Variants in TNFAIP8L3 observed in about 807,000 individuals in gnomAD.
TNFAIP8L3 encodes the protein tumor necrosis factor alpha-induced protein 8-like protein 3.
TNFAIP8L3 carries 7 observed loss-of-function variants against 11.8 expected under a neutral mutation model. The ratio of observed to expected loss-of-function variants is 0.59; its 90% confidence interval spans 0.34 to 1.11. TNFAIP8L3 has a LOEUF of 1.11. TNFAIP8L3 is among the 50% of genes most tolerant of loss of function. The pLI is 0.03. For synonymous variants in TNFAIP8L3, 98 were observed against 103.8 expected (o/e 0.94, Z 0.34); for missense variants, 219 against 258.6 (o/e 0.85, Z 1.05).
At chr15:51,062,496 G>T (rs1174966004) in intron 1 of TNFAIP8L3, among the ~76,000 whole-genome samples, 1 of 152,106 alleles carries the variant, frequency 6.6e-6, no homozygotes, top group Non-Finnish European at 1.5e-5. Context: ...AATACGTATT[G>T]AAGTTGTCAA....
intron 1 of TNFAIP8L3, among the ~76,000 whole-genome samples, chr15:51,066,159 CTTT>C (rs2065269891): frequency 3.6e-5 from 4 of 112,266 alleles, no homozygotes; most frequent in Admixed American, 2.9e-4. Flanking sequence ...CTTGAACTTT[CTTT>C]CCTTTTTTTT....
At chr15:51,084,893 C>T (rs1007890392) in intron 1 of TNFAIP8L3, among the ~76,000 whole-genome samples, 3 of 152,076 alleles carry the variant, frequency 2.0e-5, no homozygotes, top group African/African-American at 7.2e-5. Flanking sequence ...AAAAGCAAGG[C>T]AAGAGCTCCA....
chr15:51,061,071 G>A lies in TNFAIP8L3; in HGVS notation c.53-2628C>T, dbSNP rs544290621. Among the ~76,000 whole-genome samples the A allele has an allele frequency of 6.6e-5, 10 of 152,334 alleles. No individual in the cohort carries two copies. In the South Asian group the frequency reaches 1.9e-3, roughly 28 times the overall value. On this transcript the variant is annotated intron_variant, in intron 1 of 1. Coordinates refer to ENST00000637513, the MANE Select transcript of TNFAIP8L3 (RefSeq NM_001311175.2). ...GAATTGCTTGAACTGGGGAGGCAGAGGTTGCAGTGAGCTGAGATCGTGCCA... is the reference window on the plus strand; with the variant it reads ...GAATTGCTTGAACTGGGGAGGCAGAAGTTGCAGTGAGCTGAGATCGTGCCA...
intron 1 of TNFAIP8L3, among the ~76,000 whole-genome samples, chr15:51,079,855 C>CAAAAA (rs10602536): frequency 3.9e-4 from 30 of 77,538 alleles, no homozygotes; most frequent in Non-Finnish European, 4.3e-4. Flanking sequence ...GACTTTGTCT[C>CAAAAA]AAAAAAAAAA....
At chr15:51,074,841 T>A (rs1308313059) in intron 1 of TNFAIP8L3, among the ~76,000 whole-genome samples, 1 of 152,120 alleles carries the variant, frequency 6.6e-6, no homozygotes, top group Non-Finnish European at 1.5e-5. Flanking sequence ...GAAGGTCCCC[T>A]CCCACCATGA....
chr15:51,059,209 G>A (rs878884598), intron 1 of TNFAIP8L3, among the ~76,000 whole-genome samples: 12 of 152,148 alleles, frequency 7.9e-5, no homozygotes, highest in African/African-American at 2.9e-4. Flanking sequence ...GAGATGAGTA[G>A]TACTCTGAAG....
In TNFAIP8L3 at chr15:51,058,905, T is replaced by C. The variant is rs557318764; in HGVS notation, c.53-462A>G. Among the ~76,000 whole-genome samples the C allele has an allele frequency of 2.6e-4, 40 of 152,372 alleles. No homozygotes were observed. In the South Asian group the frequency reaches 7.5e-3, roughly 28 times the overall value. Reference sequence around the variant, plus strand: ...CAGGGCAGACATGGATAGTTGATCATGACAGTCATTTTGACTGAGTCTCAG... The same window carrying C: ...CAGGGCAGACATGGATAGTTGATCACGACAGTCATTTTGACTGAGTCTCAG... On this transcript the variant is annotated intron_variant, in intron 1 of 1. Coordinates refer to ENST00000637513, the MANE Select transcript of TNFAIP8L3 (RefSeq NM_001311175.2).
At chr15:51,063,824 G>C (rs1429854291) in intron 1 of TNFAIP8L3, among the ~76,000 whole-genome samples, 1 of 152,192 alleles carries the variant, frequency 6.6e-6, no homozygotes, top group Non-Finnish European at 1.5e-5. Flanking sequence ...TTGGGGAAAA[G>C]TCCATGGGCT....
At chr15:51,085,190 T>TA (rs35745049) in intron 1 of TNFAIP8L3, among the ~76,000 whole-genome samples, 36,539 of 147,426 alleles carry the variant, frequency 0.25, 4,503 homozygotes, top group East Asian at 0.44. Flanking sequence ...TTCTTTACAA[T>TA]AAAAAAAAAA....
At chr15:51,097,435 ATC>A (rs1315998331), upstream of TNFAIP8L3, among the ~76,000 whole-genome samples, 1 of 152,252 alleles carries the variant, frequency 6.6e-6, no homozygotes, top group Non-Finnish European at 1.5e-5. Context: ...TGGTCAAGGT[ATC>A]CTGAAAAGTC....
chr15:51,094,563 G>A lies in TNFAIP8L3; in HGVS notation c.33C>T (p.Gly11=). 6.7e-7 allele frequency: 1 copy of A among 1,502,356 alleles called. No individual in the cohort carries two copies. Among genetic ancestry groups the A allele is most frequent in the Admixed American group, 2.0e-5 (1 of 48,886 alleles). 93.1% of individuals were successfully genotyped at this position (1,502,356 alleles called of 1,614,324 possible). The change falls in exon 1 of 2, where the codon GGC becomes GGT. Residue 11 remains glycine, a synonymous_variant. Transcript: ENST00000637513. This position sits in a 1 kb window ranked among gnomAD's most constrained non-coding sequence, Gnocchi z 4.4. The stretch of plus-strand genomic sequence containing the variant: ...AGGTACCTGCGGCGGTCACGGGCTC[G>A]CCCTCGCTCTGCTCCCCGGAATCCG... MDSDSGEQSE[G]EPVTAAGPDV...
rs1360964393 is a variant in TNFAIP8L3 at position 51,056,664 on chromosome 15, A to G, written c.*1217T>C. ...AACAGCACAAAATGACTGAAAAGCC[A>G]AGAAAGATGGGTAGGGGTTCATTCT... On this transcript the variant is annotated 3_prime_UTR_variant, in exon 2 of 2. Coordinates refer to ENST00000637513, the MANE Select transcript of TNFAIP8L3 (RefSeq NM_001311175.2). 2 of 152,270 alleles carry G rather than the reference A, an allele frequency of 1.3e-5. No homozygotes were observed. The highest frequency in any genetic ancestry group is 2.9e-5 in the Non-Finnish European group (2 of 68,018). The allele number at this position is 152,270 out of a possible 1,614,324, so 9.4% of individuals were successfully genotyped here. A position where few individuals can be genotyped will look rare whatever the true frequency, so the allele number is the denominator to read the frequency against.
intron 1 of TNFAIP8L3, among the ~76,000 whole-genome samples, chr15:51,100,616 G>C (rs1020645276): frequency 3.3e-5 from 5 of 152,190 alleles, no homozygotes; most frequent in African/African-American, 1.2e-4. Flanking sequence ...ATTGGAGCTA[G>C]TCTTACAGAC....
At chr15:51,066,347 G>C (rs2065271851) in intron 1 of TNFAIP8L3, among the ~76,000 whole-genome samples, 1 of 152,010 alleles carries the variant, frequency 6.6e-6, no homozygotes, top group African/African-American at 2.4e-5. Flanking sequence ...ATTTTTAGTA[G>C]AGACGGGGTT....
intron 1 of TNFAIP8L3, among the ~76,000 whole-genome samples, chr15:51,071,066 A>AG (rs2065305836): frequency 6.6e-6 from 1 of 150,584 alleles, no homozygotes; most frequent in South Asian, 2.1e-4. Flanking sequence ...AAAAAAAAAA[A>AG]AAAAAAAGAA....
chr15:51,070,715 T>G (rs1465092637), intron 1 of TNFAIP8L3, among the ~76,000 whole-genome samples: 2 of 152,116 alleles, frequency 1.3e-5, no homozygotes, highest in Admixed American at 6.5e-5. Flanking sequence ...TATTGCCCAC[T>G]TTAAGATGGA....
At chr15:51,079,576 C>G (rs964987626) in intron 1 of TNFAIP8L3, among the ~76,000 whole-genome samples, 4 of 152,200 alleles carry the variant, frequency 2.6e-5, no homozygotes, top group African/African-American at 4.8e-5. Flanking sequence ...AACCAGGGGC[C>G]TGAGACACTC....
At chr15:51,082,031 TAAGA>T (rs1257653921) in intron 1 of TNFAIP8L3, among the ~76,000 whole-genome samples, 6 of 150,988 alleles carry the variant, frequency 4.0e-5, no homozygotes, top group Non-Finnish European at 7.4e-5. Context: ...ACTTGAAAAC[TAAGA>T]AAGAGTGAAT....
chr15:51,089,228 C>T (rs2065449808), intron 1 of TNFAIP8L3, among the ~76,000 whole-genome samples: 1 of 152,166 alleles, frequency 6.6e-6, no homozygotes, highest in African/African-American at 2.4e-5. Context: ...TCCATTCATC[C>T]ATCCATCCAT....
Sources: gnomAD v4.1 joint callset for allele counts (sites outside exome capture counted in the v4.1 genomes callset) on GRCh38, gnomAD v4.1.1 for gene constraint, Gnocchi (gnomAD v3.1) non-coding constraint, MANE v1.5 for transcripts, NCBI Gene and HGNC (gene_info 2026-07-23, HGNC 2026-07-21) for gene names.